Variants in CTNNA1 observed in about 807,000 individuals in gnomAD.
CTNNA1 encodes catenin alpha-1.
Under a neutral mutation model 98.4 loss-of-function variants are expected in CTNNA1, and 37 were observed. The ratio of observed to expected loss-of-function variants is 0.38; its 90% CI spans 0.29 to 0.49. The LOEUF (loss-of-function observed/expected upper bound fraction) is 0.49, where lower values mean the gene tolerates loss of function less well. Among genes scored for constraint, CTNNA1 ranks in the 20% least tolerant of loss-of-function variants. The pLI, the probability that CTNNA1 is intolerant of heterozygous loss-of-function variation, is 0.95. For synonymous variants in CTNNA1, 404 were observed against 413.2 expected (o/e 0.98, Z 0.27); for missense variants, 761 against 1,147.2 (o/e 0.66, Z 4.86).
At chr5:138,880,995 T>C in intron 7 of CTNNA1, 1 of 448,248 alleles carries the variant, frequency 2.2e-6, no homozygotes, top group Non-Finnish European at 4.5e-6. Context: ...TCATAAAAAT[T>C]TGGCCCAAAG....
At chr5:138,928,406 G>C (rs1764588044) in intron 13 of CTNNA1, among the ~76,000 whole-genome samples, 1 of 152,130 alleles carries the variant, frequency 6.6e-6, no homozygotes, top group Non-Finnish European at 1.5e-5. Flanking sequence ...TTTGATGAAA[G>C]TCAAAAGAAT....
chr5:138,829,614 C>T (rs778199075), intron 7 of CTNNA1, among the ~76,000 whole-genome samples: 2 of 152,214 alleles, frequency 1.3e-5, no homozygotes, highest in Non-Finnish European at 2.9e-5. Context: ...ACAAACAGTA[C>T]TGTCTATTCA....
intron 7 of CTNNA1, among the ~76,000 whole-genome samples, chr5:138,833,917 A>G (rs1761525460): frequency 6.6e-6 from 1 of 152,236 alleles, no homozygotes; most frequent in Non-Finnish European, 1.5e-5. Flanking sequence ...GAATGCAGTA[A>G]CTGGACATAC....
Position 138,873,472 on chromosome 5 carries a change from C to T in CTNNA1, c.1063-12740C>T. ...TAGCCATGACAGTGACAGTGGTTGA[C>T]AAATTCCAGCAGAGCTGAAATCCAT... is the stretch of plus-strand genomic sequence containing the variant. On this transcript the variant is annotated intron_variant, in intron 7 of 17. Transcript: ENST00000302763. This position sits in a 1 kb window ranked among gnomAD's most constrained non-coding sequence, Gnocchi z 6.1. 3 of 1,614,014 alleles carry T rather than the reference C, an allele frequency of 1.9e-6. No individual in the cohort carries two copies. The highest frequency in any genetic ancestry group is 2.5e-6 in the Non-Finnish European group (3 of 1,179,904).
chr5:138,870,612 C>T (rs189344043), intron 7 of CTNNA1: 14 of 152,268 alleles, frequency 9.2e-5, no homozygotes, highest in Admixed American at 5.9e-4. Flanking sequence ...GGATTTCTTA[C>T]CCATCCCACA....
intron 7 of CTNNA1, among the ~76,000 whole-genome samples, chr5:138,864,125 T>C (rs1167192973): frequency 6.6e-6 from 1 of 152,202 alleles, no homozygotes; most frequent in Non-Finnish European, 1.5e-5. Context: ...ACCCAGCTAC[T>C]TTTTGTATTT....
chr5:138,816,644 T>C (rs541152197), intron 5 of CTNNA1, among the ~76,000 whole-genome samples: 4 of 152,334 alleles, frequency 2.6e-5, no homozygotes, highest in African/African-American at 7.2e-5. Context: ...TGAGGATCTT[T>C]CCATATACCT....
intron 9 of CTNNA1, among the ~76,000 whole-genome samples, chr5:138,902,636 G>A (rs897012706): frequency 6.6e-6 from 1 of 152,146 alleles, no homozygotes; most frequent in African/African-American, 2.4e-5. Context: ...AGCCAGGATG[G>A]TCTCGATCTC....
At position 138,851,075 on chromosome 5, in the gene CTNNA1, T is replaced by G. The variant is rs561129490; in HGVS notation, c.1062+23357T>G. ...TGCCTTGTGCCAGCTGGCATCAGTA[T>G]AGAAAACATGCAGTGTAATGTCACC... On this transcript the variant is annotated intron_variant, in intron 7 of 17. Coordinates refer to ENST00000302763, the MANE Select transcript of CTNNA1 (RefSeq NM_001903.5). 2.2e-3 allele frequency among the ~76,000 whole-genome samples: 335 copies of G among 152,322 alleles called. 2 individuals are homozygous for G. The highest frequency in any genetic ancestry group is 7.8e-3 in the African/African-American group (324 of 41,582).
Position 138,904,429 on chromosome 5 carries a change from C to A in CTNNA1, c.1377C>A (p.Ala459=). ...LVRMSASQLE[A]LCPQVINAAL... is the part of the protein sequence containing the mutation. Reference sequence around the variant, plus strand: ...GAATGTCTGCAAGCCAGTTAGAAGCCCTCTGTCCTCAGGTAAAGTACAACT... The same window carrying A: ...GAATGTCTGCAAGCCAGTTAGAAGCACTCTGTCCTCAGGTAAAGTACAACT... Residue 459 remains alanine (A), a synonymous_variant, in exon 10 of 18, where the codon GCC becomes GCA. Transcript: ENST00000302763. The A allele has an allele frequency of 6.2e-7, 1 of 1,613,806 alleles. No individual in the cohort carries two copies. The highest frequency in any genetic ancestry group is 8.5e-7 in the Non-Finnish European group (1 of 1,179,800).
chr5:138,801,680 A>G (rs1448341722), intron 3 of CTNNA1, among the ~76,000 whole-genome samples: 1 of 152,224 alleles, frequency 6.6e-6, no homozygotes, highest in Non-Finnish European at 1.5e-5. Flanking sequence ...CAGTTTATGC[A>G]AAGTGTGTAG....
In CTNNA1 at chr5:138,929,335, G is replaced by A. The variant is rs2150325263; in HGVS notation, c.1989G>A (p.Leu663=). The A allele has an allele frequency of 6.2e-7, 1 of 1,602,584 alleles. No homozygotes were observed. The highest frequency in any genetic ancestry group is 1.3e-5 in the African/African-American group (1 of 74,820). Residue 663 remains leucine (L), a synonymous_variant, in exon 14 of 18, where the codon CTG becomes CTA. Coordinates refer to ENST00000302763, the MANE Select transcript of CTNNA1 (RefSeq NM_001903.5). The part of the protein sequence containing the change: ...RTSVQTEDDQ[L]IAGQSARAIM... ...GCGTCCAGACAGAAGACGATCAGCT[G>A]ATAGCTGGCCAGAGTGCCCGGGTAA... is the stretch of plus-strand genomic sequence containing the variant.
intron 5 of CTNNA1, among the ~76,000 whole-genome samples, chr5:138,813,351 G>C (rs1312233481): frequency 6.6e-6 from 1 of 152,162 alleles, no homozygotes; most frequent in Non-Finnish European, 1.5e-5. Context: ...GCTCCTAGTA[G>C]ACTTGTCCTA....
At chr5:138,775,724 T>C (rs1356248010) in intron 1 of CTNNA1, among the ~76,000 whole-genome samples, 5 of 139,758 alleles carry the variant, frequency 3.6e-5, no homozygotes, top group Non-Finnish European at 6.2e-5. Context: ...CTTTTTTTTT[T>C]TTTTTTTTTT....
At chr5:138,889,415 C>T (rs1318317407) in intron 9 of CTNNA1, among the ~76,000 whole-genome samples, 1 of 152,136 alleles carries the variant, frequency 6.6e-6, no homozygotes, top group East Asian at 1.9e-4. Flanking sequence ...AACAGGTTTA[C>T]AGAGGTTAAG....
intron 7 of CTNNA1, among the ~76,000 whole-genome samples, chr5:138,839,013 A>G (rs960244051): frequency 6.6e-6 from 1 of 152,104 alleles, no homozygotes; most frequent in African/African-American, 2.4e-5. Flanking sequence ...ATTTAGAAGT[A>G]TGTTGTGTAA....
chr5:138,911,284 G>A (rs1760563533), intron 10 of CTNNA1, among the ~76,000 whole-genome samples: 2 of 152,180 alleles, frequency 1.3e-5, no homozygotes, highest in Non-Finnish European at 2.9e-5. Context: ...AGGGAAAGAA[G>A]CAGAGAGGCT....
intron 7 of CTNNA1, among the ~76,000 whole-genome samples, chr5:138,848,108 G>A (rs529196841): frequency 2.5e-4 from 38 of 152,298 alleles, no homozygotes; most frequent in Admixed American, 1.4e-3. Flanking sequence ...ATGCATATAT[G>A]CTGTTGGCAT....
chr5:138,932,258 T>G (rs1580925578), intron 16 of CTNNA1: 5 of 1,125,332 alleles, frequency 4.4e-6, no homozygotes, highest in East Asian at 5.6e-5. Context: ...CCGTTTGGGG[T>G]GAGGGGATCC....
Sources: allele counts gnomAD v4.1 joint callset (sites outside exome capture counted in the v4.1 genomes callset), GRCh38; gene constraint gnomAD v4.1.1; non-coding constraint Gnocchi (gnomAD v3.1); transcripts MANE v1.5; gene names NCBI Gene and HGNC (gene_info 2026-07-23, HGNC 2026-07-21).